ROR1: variants seen among roughly 807,000 people sequenced by gnomAD.
ROR1 encodes the protein ROR family WNT receptor 1, also known as inactive tyrosine-protein kinase transmembrane receptor ROR1.
Under a neutral mutation model 78.8 loss-of-function variants are expected in ROR1, and 19 were observed. The observed-to-expected ratio is 0.24, with a 90% CI of 0.17 to 0.35. The LOEUF is 0.35. Ranked by LOEUF, ROR1 falls within the 10% of genes least tolerant of loss-of-function variation. ROR1 has a pLI of 1.00. For missense variants in ROR1, 917 were observed against 1,177.8 expected, an observed-to-expected ratio of 0.78 and a Z score of 3.24; for synonymous variants, 386 against 433.6, an observed-to-expected ratio of 0.89 and a Z score of 1.36.
chr1:64,050,779 A>G, intron 4 of ROR1, 63 bp downstream of exon 4: 1 of 1,516,622 alleles, frequency 6.6e-7, no homozygotes. Flanking sequence ...TCTAGGGCAA[A>G]AGCAATGTTG....
At chr1:63,848,070 G>T (rs1645092562) in intron 1 of ROR1, among the ~76,000 whole-genome samples, 1 of 152,214 alleles carries the variant, frequency 6.6e-6, no homozygotes, top group Non-Finnish European at 1.5e-5. Flanking sequence ...CGATATAGCT[G>T]ATACCTGGAC....
At chr1:64,065,812 G>A (rs925682564) in intron 4 of ROR1, among the ~76,000 whole-genome samples, 1 of 152,206 alleles carries the variant, frequency 6.6e-6, no homozygotes, top group Non-Finnish European at 1.5e-5. Flanking sequence ...AAGACTCATA[G>A]TTTCAGAGCA....
chr1:63,906,316 A>G (rs1645528241), intron 1 of ROR1, among the ~76,000 whole-genome samples: 1 of 152,206 alleles, frequency 6.6e-6, no homozygotes, highest in African/African-American at 2.4e-5. Context: ...TCTTTTGTAG[A>G]AAGCAAGGAT....
chr1:63,952,128 G>A (rs1349525), intron 1 of ROR1, among the ~76,000 whole-genome samples: 4,515 of 152,162 alleles, frequency 0.03, 234 homozygotes, highest in African/African-American at 0.1. Flanking sequence ...ACGATGGGGT[G>A]GTAAAGTGTA....
intron 1 of ROR1, among the ~76,000 whole-genome samples, chr1:63,969,455 G>A (rs1646101368): frequency 6.6e-6 from 1 of 152,094 alleles, no homozygotes; most frequent in South Asian, 2.1e-4. Context: ...GTGCCCTCCT[G>A]AGCTATGGAC....
intron 1 of ROR1, among the ~76,000 whole-genome samples, chr1:63,979,695 G>C (rs76276336): frequency 1.2e-3 from 183 of 152,224 alleles, no homozygotes; most frequent in African/African-American, 4.4e-3. Flanking sequence ...TCAGCCTTAG[G>C]GGCACAGAGC....
At chr1:63,964,870 G>T (rs1646060672) in intron 1 of ROR1, among the ~76,000 whole-genome samples, 1 of 152,194 alleles carries the variant, frequency 6.6e-6, no homozygotes, top group Non-Finnish European at 1.5e-5. Flanking sequence ...TGAAGCTTCA[G>T]CAACTTTTTG....
intron 1 of ROR1, among the ~76,000 whole-genome samples, chr1:63,883,325 G>C (rs1177965013): frequency 6.6e-6 from 1 of 152,118 alleles, no homozygotes; most frequent in African/African-American, 2.4e-5. Context: ...TCTTGTTGGG[G>C]CAGGTTTCTT....
chr1:64,123,304 T>C (rs1158678641), intron 4 of ROR1, among the ~76,000 whole-genome samples: 1 of 152,240 alleles, frequency 6.6e-6, no homozygotes, highest in Non-Finnish European at 1.5e-5. Context: ...CACTATGTCT[T>C]GTTATACTAT....
intron 2 of ROR1, among the ~76,000 whole-genome samples, chr1:64,032,619 T>C (rs1646670900): frequency 6.6e-6 from 1 of 152,112 alleles, no homozygotes; most frequent in Non-Finnish European, 1.5e-5. Context: ...TGCACAGCCT[T>C]ATAACATCAT....
chr1:63,884,236 G>A (rs558823093), intron 1 of ROR1, among the ~76,000 whole-genome samples: 3 of 152,174 alleles, frequency 2.0e-5, no homozygotes, highest in Non-Finnish European at 4.4e-5. Context: ...GTGCCACTGG[G>A]CTTGGTTGCA....
intron 1 of ROR1, among the ~76,000 whole-genome samples, chr1:63,805,946 G>A (rs1173991439): frequency 3.9e-5 from 6 of 152,200 alleles, no homozygotes; most frequent in African/African-American, 9.7e-5. Flanking sequence ...TTGAGCCCAG[G>A]AGTTCAAGGC....
intron 1 of ROR1, among the ~76,000 whole-genome samples, chr1:63,894,902 A>C (rs1265741664): frequency 6.6e-6 from 1 of 152,196 alleles, no homozygotes; most frequent in Non-Finnish European, 1.5e-5. Flanking sequence ...TTTGCCAAGT[A>C]GACTAAAGAC....
chr1:64,117,937 A>G (rs1648375501), intron 4 of ROR1, among the ~76,000 whole-genome samples: 1 of 152,278 alleles, frequency 6.6e-6, no homozygotes, highest in Non-Finnish European at 1.5e-5. Flanking sequence ...ACCTTGGCCC[A>G]TGCCTGTAAT....
chr1:63,851,060 A>G (rs1251639308), intron 1 of ROR1, among the ~76,000 whole-genome samples: 1 of 151,936 alleles, frequency 6.6e-6, no homozygotes, highest in Non-Finnish European at 1.5e-5. Flanking sequence ...GCTCACTGCA[A>G]CCTCCGTCTC....
intron 1 of ROR1, among the ~76,000 whole-genome samples, chr1:63,810,243 G>T (rs1011567963): frequency 1.3e-5 from 2 of 152,222 alleles, no homozygotes; most frequent in Non-Finnish European, 2.9e-5. Context: ...GAGGAATGTT[G>T]CTTCTTGGGA....
intron 1 of ROR1, among the ~76,000 whole-genome samples, chr1:63,854,090 C>T (rs1247169442): frequency 2.6e-5 from 4 of 152,234 alleles, no homozygotes; most frequent in Admixed American, 6.5e-5. Context: ...TTGTATATTG[C>T]ATAGTGCATG....
intron 2 of ROR1, chr1:64,029,042 A>G (rs953665482): frequency 2.6e-5 from 4 of 152,126 alleles, no homozygotes; most frequent in African/African-American, 9.7e-5. Flanking sequence ...TGAACATCCT[A>G]TATCACTCTT....
intron 1 of ROR1, among the ~76,000 whole-genome samples, chr1:63,800,379 G>A (rs1226667096): frequency 6.6e-6 from 1 of 152,106 alleles, no homozygotes; most frequent in East Asian, 1.9e-4. Flanking sequence ...AAGAAGTGTG[G>A]GTCTTTTTCT....
Sources: gnomAD v4.1 joint callset for allele counts (sites outside exome capture counted in the v4.1 genomes callset) on GRCh38, gnomAD v4.1.1 for gene constraint, MANE v1.5 for transcripts, NCBI Gene and HGNC (gene_info 2026-07-23, HGNC 2026-07-21) for gene names.